The following CORO7 variants were observed in gnomAD, a reference collection of about 807,000 sequenced individuals.
CORO7 encodes coronin 7.
In CORO7, 107 loss-of-function variants were observed where a neutral mutation model predicts 126.6. The ratio of observed to expected loss-of-function variants is 0.85; its 90% CI spans 0.72 to 0.99. The LOEUF (loss-of-function observed/expected upper bound fraction) is 0.99, where lower values mean the gene tolerates loss of function less well. CORO7 is among the 50% of genes least tolerant of loss of function. The pLI, the probability that CORO7 is intolerant of heterozygous loss-of-function variation, is 0.00. For synonymous variants in CORO7, 603 were observed against 536.8 expected (o/e 1.12, Z -1.70); for missense variants, 1,314 against 1,255.8 (o/e 1.05, Z -0.70).
intron 25 of CORO7, 191 bp downstream of exon 25, chr16:4,357,777 G>T: frequency 1.0e-6 from 1 of 960,744 alleles, no homozygotes; most frequent in Non-Finnish European, 1.5e-6. Context: ...TAGGGGTGGG[G>T]ACCTGTGATG....
chr16:4,378,117 G>A (rs2054815827), intron 9 of CORO7, among the ~76,000 whole-genome samples: 1 of 152,172 alleles, frequency 6.6e-6, no homozygotes, highest in Non-Finnish European at 1.5e-5. Flanking sequence ...CCTAAGAGCT[G>A]GCCTGCACAC....
chr16:4,385,174 C>T (rs751066997), intron 9 of CORO7, among the ~76,000 whole-genome samples: 17 of 152,200 alleles, frequency 1.1e-4, no homozygotes, highest in Non-Finnish European at 1.5e-4. Context: ...GCCCCCATCA[C>T]CAGGTGCTGA....
chr16:4,412,655 G>A (rs1327208368), intron 2 of CORO7: 1 of 548,616 alleles, frequency 1.8e-6, no homozygotes, highest in Non-Finnish European at 3.2e-6. Context: ...CATTAGGCGA[G>A]AGGTCCTCTC....
intron 7 of CORO7, among the ~76,000 whole-genome samples, chr16:4,393,815 C>T (rs1042260604): frequency 2.6e-5 from 4 of 152,170 alleles, no homozygotes; most frequent in African/African-American, 9.7e-5. Flanking sequence ...AAATGTAAAT[C>T]CATGGCCAGG....
intron 2 of CORO7, 65 bp from the exon 3 acceptor site, chr16:4,412,495 G>A: frequency 6.4e-7 from 1 of 1,561,124 alleles, no homozygotes; most frequent in Non-Finnish European, 8.8e-7. Flanking sequence ...CTTGCCCAGG[G>A]ATCCCAGAGA....
intron 14 of CORO7, chr16:4,363,319 C>T (rs1455415707): frequency 6.6e-6 from 1 of 152,248 alleles, no homozygotes; most frequent in Non-Finnish European, 1.5e-5. Context: ...GTAATCCCAG[C>T]ACTTTGGGAG....
At chr16:4,403,750 G>C (rs539577767) in intron 6 of CORO7, among the ~76,000 whole-genome samples, 1 of 152,292 alleles carries the variant, frequency 6.6e-6, no homozygotes, top group East Asian at 1.9e-4. Flanking sequence ...GGAGGGCCTG[G>C]ACCACCACAC....
chr16:4,392,702 C>A (rs751322358), intron 7 of CORO7, among the ~76,000 whole-genome samples: 3 of 152,228 alleles, frequency 2.0e-5, no homozygotes, highest in Non-Finnish European at 4.4e-5. Flanking sequence ...GCCTCTCCCT[C>A]GAGCCGGCCC....
intron 16 of CORO7, chr16:4,361,709 C>A: frequency 1.3e-6 from 1 of 786,746 alleles, no homozygotes; most frequent in South Asian, 1.5e-5. Flanking sequence ...CGGCTTAGGG[C>A]TCAGGTGGCC....
chr16:4,415,256 C>G (rs2056364229), intron 1 of CORO7, among the ~76,000 whole-genome samples: 2 of 152,154 alleles, frequency 1.3e-5, no homozygotes, highest in Non-Finnish European at 2.9e-5. Context: ...TCATCTGTCA[C>G]CATACTGCTC....
intron 21 of CORO7, 40 bp from the exon 22 acceptor site, chr16:4,359,661 C>T (rs527875619): frequency 1.9e-6 from 3 of 1,557,552 alleles, no homozygotes; most frequent in African/African-American, 1.4e-5. Context: ...TGTTTCAGAG[C>T]TGAAGGGGCC....
At position 4,372,307 on chromosome 16, in the gene CORO7, T is replaced by C. The variant is rs1473911888; in HGVS notation, c.786-6762A>G. Among the ~76,000 whole-genome samples the C allele has an allele frequency of 2.6e-5, 4 of 152,206 alleles. No homozygotes were observed. In the East Asian group the frequency reaches 7.7e-4, roughly 29 times the overall value. Reference sequence around the variant, plus strand: ...TCCTCCCACGGCTGGGCCTCCGGCATGACCAGTTTTATGAATCAAACCCCT... The same window carrying C: ...TCCTCCCACGGCTGGGCCTCCGGCACGACCAGTTTTATGAATCAAACCCCT... On this transcript the variant is annotated intron_variant, in intron 9 of 27. Transcript: ENST00000251166.
At chr16:4,395,385 G>A in intron 6 of CORO7, 46 bp from the exon 7 acceptor site, 1 of 1,612,516 alleles carries the variant, frequency 6.2e-7, no homozygotes, top group Non-Finnish European at 8.5e-7. Flanking sequence ...AGGGCTGGAG[G>A]GTCCCTGGAA....
chr16:4,388,193 G>C, intron 8 of CORO7, 125 bp from the exon 9 acceptor site: 1 of 1,262,508 alleles, frequency 7.9e-7, no homozygotes, highest in African/African-American at 1.5e-5. Context: ...AGCAGGGCTT[G>C]GAGTGGGGGT....
chr16:4,385,775 G>A (rs560895106), intron 9 of CORO7, among the ~76,000 whole-genome samples: 37 of 152,354 alleles, frequency 2.4e-4, no homozygotes, highest in South Asian at 1.9e-3. Context: ...GGACCACAGC[G>A]GAGGCCCCTG....
chr16:4,368,653 C>T lies in CORO7; in HGVS notation c.786-3108G>A, dbSNP rs190320632. ...ATCCCAGCTACTCAGGAGGCTGAGGCAGGAGAATCACTTGAACCCGGGAGG... is the reference window on the plus strand; with the variant it reads ...ATCCCAGCTACTCAGGAGGCTGAGGTAGGAGAATCACTTGAACCCGGGAGG... On this transcript the variant is annotated intron_variant, in intron 9 of 27. Coordinates refer to ENST00000251166, the MANE Select transcript of CORO7 (RefSeq NM_024535.5). 2.5e-4 allele frequency among the ~76,000 whole-genome samples: 37 copies of T among 150,222 alleles called. 1 individual carries two copies. In the East Asian group the frequency reaches 6.7e-3, roughly 27 times the overall value.
rs745478194 is a variant in CORO7 at position 4,358,038 on chromosome 16, G to C, written c.2523C>G (p.Ala841=). The stretch of plus-strand genomic sequence containing the variant: ...CATTAGCGCCTTGCAGCCAGGCCTC[G>C]GCACTGAGCACAGGCTCCCAGATCA... ...TAVIWEPVLS[A]EAWLQGANGQ... is the part of the protein sequence containing the mutation. The change falls in exon 25 of 28, where the codon GCC becomes GCG. Residue 841 remains alanine, a synonymous_variant. Coordinates refer to ENST00000251166, the MANE Select transcript of CORO7 (RefSeq NM_024535.5). 11 of 1,613,416 alleles carry C rather than the reference G, an allele frequency of 6.8e-6. No homozygotes were observed. The highest frequency in any genetic ancestry group is 9.3e-6 in the Non-Finnish European group (11 of 1,179,752).
At chr16:4,408,674 G>C (rs2056099848) in intron 3 of CORO7, among the ~76,000 whole-genome samples, 1 of 152,232 alleles carries the variant, frequency 6.6e-6, no homozygotes, top group African/African-American at 2.4e-5. Context: ...CAAAGAACCT[G>C]AATGGTGGCC....
chr16:4,410,456 A>G (rs957216446), intron 3 of CORO7, among the ~76,000 whole-genome samples: 2 of 152,178 alleles, frequency 1.3e-5, no homozygotes, highest in Non-Finnish European at 2.9e-5. Flanking sequence ...ACAGGCTCCT[A>G]TAGACCTGGG....
Sources: gnomAD v4.1 joint callset for allele counts (sites outside exome capture counted in the v4.1 genomes callset) on GRCh38, gnomAD v4.1.1 for gene constraint, MANE v1.5 for transcripts, NCBI Gene and HGNC (gene_info 2026-07-23, HGNC 2026-07-21) for gene names.